Variants in INPP4B observed in about 807,000 individuals in gnomAD.
INPP4B encodes inositol polyphosphate-4-phosphatase type II B.
In INPP4B, 55 loss-of-function variants were observed where a neutral mutation model predicts 122.5. The observed-to-expected ratio is 0.45, with a 90% CI of 0.36 to 0.56. The LOEUF (loss-of-function observed/expected upper bound fraction) is 0.56, where lower values mean the gene tolerates loss of function less well. Ranked by LOEUF, INPP4B falls within the 20% of genes least tolerant of loss-of-function variation. The pLI is 0.00. For synonymous variants in INPP4B, 403 were observed against 388.7 expected, an observed-to-expected ratio of 1.04 and a Z score of -0.43; for missense variants, 1,000 against 1,097.7, an observed-to-expected ratio of 0.91 and a Z score of 1.26.
rs545244532 is a variant in INPP4B, at chr4:142,830,524, T to A, written c.-254+15685A>T. Among the ~76,000 whole-genome samples the A allele has an allele frequency of 2.7e-5, 4 of 150,830 alleles. No individual in the cohort carries two copies. In the East Asian group the frequency reaches 5.9e-4, roughly 22 times the overall value. ...AGGGGAATATGGAGTGGAGAGGGAG[T>A]CTTAATCTTTTAATGTGTGGAAATC... On this transcript the variant is annotated intron_variant, in intron 1 of 25. Transcript: ENST00000262992.
intron 25 of INPP4B, among the ~76,000 whole-genome samples, chr4:142,050,489 T>C (rs2152388295): frequency 6.6e-6 from 1 of 152,168 alleles, no homozygotes; most frequent in African/African-American, 2.4e-5. Flanking sequence ...TTTAGAAATT[T>C]TCAGTAGATA....
intron 2 of INPP4B, among the ~76,000 whole-genome samples, chr4:142,693,483 TAAAAAAAAAAAAAAAA>T (rs554003993): frequency 1.9e-5 from 1 of 52,396 alleles, no homozygotes; most frequent in African/African-American, 7.8e-5. Context: ...TGCCTTTTTC[TAAAAAAAAAAAAAAAA>T]AAAAAAAAAA....
At chr4:142,604,616 C>A (rs187107555) in intron 2 of INPP4B, among the ~76,000 whole-genome samples, 1 of 151,788 alleles carries the variant, frequency 6.6e-6, no homozygotes, top group Non-Finnish European at 1.5e-5. Flanking sequence ...GAAAATAATC[C>A]CATATATAAT....
intron 2 of INPP4B, among the ~76,000 whole-genome samples, chr4:142,692,914 T>TAGATAGATAGATAGATAGATAGATAG (rs1760398423): frequency 6.7e-6 from 1 of 148,238 alleles, no homozygotes; most frequent in African/African-American, 2.5e-5. Context: ...GGCTAGTCTC[T>TAGATAGATAGATAGATAGATAGATAG]ATAGATAGAT....
chr4:142,070,708 G>A (rs955655178), intron 25 of INPP4B, among the ~76,000 whole-genome samples: 5 of 152,126 alleles, frequency 3.3e-5, no homozygotes, highest in African/African-American at 9.7e-5. Context: ...CAGACAGAGA[G>A]CCAAATTATG....
rs546420204 is a variant in INPP4B at position 142,610,032 on chromosome 4, A to G, written c.-191+115807T>C. 4.6e-5 allele frequency among the ~76,000 whole-genome samples: 7 copies of G among 152,194 alleles called. No individual in the cohort carries two copies. In the East Asian group the frequency reaches 1.4e-3, roughly 29 times the overall value. On this transcript the variant is annotated intron_variant, in intron 2 of 25. Transcript: ENST00000262992. ...TGGGATTGAGGATATAGATTTTTTT[A>G]TGTTAGTCAATTGATATGGCTTGGC...
intron 2 of INPP4B, among the ~76,000 whole-genome samples, chr4:142,606,064 T>C (rs1741191923): frequency 6.6e-6 from 1 of 151,856 alleles, no homozygotes; most frequent in Non-Finnish European, 1.5e-5. Context: ...TATTGGGCAA[T>C]TAAAAGAGGA....
intron 7 of INPP4B, among the ~76,000 whole-genome samples, chr4:142,352,558 G>A (rs1497393): frequency 0.4 from 60,356 of 151,296 alleles, 12,365 homozygotes; most frequent in East Asian, 0.64. Context: ...TGTCTTACCA[G>A]GAGTTTAACA....
intron 9 of INPP4B, among the ~76,000 whole-genome samples, chr4:142,299,987 C>T (rs756919867): frequency 4.6e-5 from 7 of 152,066 alleles, no homozygotes; most frequent in Admixed American, 6.6e-5. Context: ...AGATTCCATG[C>T]TTAAAGTAAG....
intron 7 of INPP4B, among the ~76,000 whole-genome samples, chr4:142,366,334 CAA>C (rs3049117): frequency 1.1e-4 from 16 of 144,622 alleles, no homozygotes; most frequent in South Asian, 4.3e-4. Context: ...TTGTTGCTCA[CAA>C]AAAAAAAAAA....
intron 12 of INPP4B, among the ~76,000 whole-genome samples, chr4:142,229,990 T>C (rs1025035035): frequency 6.6e-6 from 1 of 152,194 alleles, no homozygotes; most frequent in African/African-American, 2.4e-5. Flanking sequence ...CTATTTAAAC[T>C]AGAAGAAACC....
chr4:142,402,152 A>G (rs1801825767), intron 7 of INPP4B, among the ~76,000 whole-genome samples: 1 of 152,194 alleles, frequency 6.6e-6, no homozygotes, highest in African/African-American at 2.4e-5. Flanking sequence ...CCTGCCATTA[A>G]AGAGTTTACT....
intron 18 of INPP4B, among the ~76,000 whole-genome samples, chr4:142,132,725 A>G (rs563079442): frequency 4.6e-5 from 7 of 152,086 alleles, no homozygotes; most frequent in Non-Finnish European, 8.8e-5. Flanking sequence ...CACATTATCA[A>G]TATTTCCTTT....
At chr4:142,614,174 G>A (rs959786849) in intron 2 of INPP4B, among the ~76,000 whole-genome samples, 13 of 151,994 alleles carry the variant, frequency 8.6e-5, no homozygotes, top group Admixed American at 3.9e-4. Flanking sequence ...AGTAGGCGAA[G>A]GCCACTGCAC....
At chr4:142,358,944 G>A (rs946489032) in intron 7 of INPP4B, among the ~76,000 whole-genome samples, 1 of 151,934 alleles carries the variant, frequency 6.6e-6, no homozygotes, top group African/African-American at 2.4e-5. Context: ...AATCAATGTG[G>A]CAAGTCATCT....
At chr4:142,739,837 T>A (rs1438596208) in intron 1 of INPP4B, among the ~76,000 whole-genome samples, 3 of 152,084 alleles carry the variant, frequency 2.0e-5, no homozygotes, top group African/African-American at 7.2e-5. Context: ...GCACCTTTTA[T>A]TGAGCCTTTG....
chr4:142,171,069 C>T (rs1825403295), intron 16 of INPP4B, among the ~76,000 whole-genome samples: 1 of 151,654 alleles, frequency 6.6e-6, no homozygotes, highest in Admixed American at 6.6e-5. Context: ...TTCCCCCAGA[C>T]TATATGTTTA....
At chr4:142,261,305 C>A (rs74966103) in intron 10 of INPP4B, among the ~76,000 whole-genome samples, 5,834 of 152,146 alleles carry the variant, frequency 0.038, 365 homozygotes, top group African/African-American at 0.13. Context: ...ATTCTTCTGG[C>A]CCCAGGAGTT....
chr4:142,324,938 T>C (rs746861447), intron 7 of INPP4B, among the ~76,000 whole-genome samples: 26 of 152,186 alleles, frequency 1.7e-4, no homozygotes, highest in Non-Finnish European at 3.4e-4. Context: ...TTGATTTCTC[T>C]TTCTCCAAGC....
Sources: gnomAD v4.1 joint callset for allele counts (sites outside exome capture counted in the v4.1 genomes callset) on GRCh38, gnomAD v4.1.1 for gene constraint, MANE v1.5 for transcripts, NCBI Gene and HGNC (gene_info 2026-07-23, HGNC 2026-07-21) for gene names.